Variants in THADA observed in about 807,000 individuals in gnomAD.
THADA encodes tRNA (32-2'-O)-methyltransferase regulator THADA.
Under a neutral mutation model 219.8 loss-of-function variants are expected in THADA, and 213 were observed. The ratio of observed to expected loss-of-function variants is 0.97; its 90% confidence interval spans 0.87 to 1.09. The LOEUF (loss-of-function observed/expected upper bound fraction) is 1.09, where lower values mean the gene tolerates loss of function less well. Among genes scored for constraint, THADA ranks in the 50% least tolerant of loss-of-function variants. THADA has a pLI of 0.00. For missense variants in THADA, 2,956 were observed against 2,311.3 expected (o/e 1.28, Z -5.72); for synonymous variants, 1,018 against 828.9 (o/e 1.23, Z -3.92).
intron 29 of THADA, among the ~76,000 whole-genome samples, chr2:43,352,081 G>A (rs1668338389): frequency 2.0e-5 from 3 of 152,136 alleles, no homozygotes; most frequent in Admixed American, 1.3e-4. Context: ...TTAGAACACA[G>A]ATACATTTCT....
intron 36 of THADA, among the ~76,000 whole-genome samples, chr2:43,271,812 AC>A (rs1342786520): frequency 1.3e-5 from 2 of 151,838 alleles, no homozygotes; most frequent in East Asian, 1.9e-4. Context: ...AAGGGGTTTC[AC>A]CATGTTGGCC....
intron 31 of THADA, among the ~76,000 whole-genome samples, chr2:43,300,754 A>G (rs1232211255): frequency 6.6e-6 from 1 of 152,238 alleles, no homozygotes; most frequent in East Asian, 1.9e-4. Flanking sequence ...GAAATTATCA[A>G]GTGACATTCA....
chr2:43,300,032 G>GC (rs1491168022), intron 31 of THADA, among the ~76,000 whole-genome samples: 5 of 84,512 alleles, frequency 5.9e-5, no homozygotes, highest in Admixed American at 5.1e-4. Context: ...CTGTCTCAAG[G>GC]CAAAAAAAAA....
chr2:43,488,047 T>C (rs541792078), intron 25 of THADA, among the ~76,000 whole-genome samples: 1 of 152,308 alleles, frequency 6.6e-6, no homozygotes, highest in East Asian at 1.9e-4. Context: ...TCATCTGCTA[T>C]TTGGTTACCC....
At chr2:43,593,072 C>A (rs1287216122) in intron 1 of THADA, among the ~76,000 whole-genome samples, 4 of 152,146 alleles carry the variant, frequency 2.6e-5, no homozygotes, top group Non-Finnish European at 5.9e-5. Flanking sequence ...TAGGGCTCTT[C>A]TCTTGATGCA....
intron 30 of THADA, among the ~76,000 whole-genome samples, chr2:43,338,260 G>C (rs112995840): frequency 6.6e-6 from 1 of 150,954 alleles, no homozygotes; most frequent in African/African-American, 2.4e-5. Context: ...AGGTTCAAGC[G>C]ATTCTCCTGC....
chr2:43,586,560 C>G (rs1369633438), intron 6 of THADA, 111 bp from the exon 7 acceptor site: 2 of 1,329,108 alleles, frequency 1.5e-6, no homozygotes, highest in African/African-American at 3.0e-5. Flanking sequence ...GATATGGAAA[C>G]AAAAATTTAA....
At chr2:43,547,501 AC>A (rs2103855611) in intron 20 of THADA, among the ~76,000 whole-genome samples, 1 of 152,316 alleles carries the variant, frequency 6.6e-6, no homozygotes, top group Non-Finnish European at 1.5e-5. Context: ...TTTCAGGTAC[AC>A]CAATCAGACA....
intron 30 of THADA, among the ~76,000 whole-genome samples, chr2:43,326,392 A>T (rs991495120): frequency 4.6e-5 from 7 of 152,226 alleles, no homozygotes; most frequent in African/African-American, 1.7e-4. Context: ...ACTTGGGGAC[A>T]TGACATGTTT....
At chr2:43,324,120 G>T (rs1423808884) in intron 30 of THADA, among the ~76,000 whole-genome samples, 1 of 152,216 alleles carries the variant, frequency 6.6e-6, no homozygotes, top group Non-Finnish European at 1.5e-5. Context: ...ACCATAAAGA[G>T]AAGTTGTTGA....
At position 43,508,714 on chromosome 2, in the gene THADA, T is replaced by C. The variant is rs1258610696; in HGVS notation, c.3441A>G (p.Lys1147=). The part of the protein sequence containing the change: ...QWLWSVLEEI[K]CSDPSSKLCA... Reference sequence around the variant, plus strand: ...AGAGTTTAGATGAAGGATCACTGCATTTAATTTCCTCTAAAACACTCCATA... The same window carrying C: ...AGAGTTTAGATGAAGGATCACTGCACTTAATTTCCTCTAAAACACTCCATA... The change falls in exon 23 of 38, where the codon AAA becomes AAG. Residue 1147 remains lysine (K), a synonymous_variant. Coordinates refer to ENST00000405975, the MANE Select transcript of THADA (RefSeq NM_022065.5). The C allele has an allele frequency of 6.2e-7, 1 of 1,613,824 alleles. No homozygotes were observed. Among genetic ancestry groups the C allele is most frequent in the Non-Finnish European group, 8.5e-7 (1 of 1,179,756 alleles).
At chr2:43,470,042 C>T (rs1487752802) in intron 26 of THADA, among the ~76,000 whole-genome samples, 1 of 151,880 alleles carries the variant, frequency 6.6e-6, no homozygotes, top group Admixed American at 6.6e-5. Context: ...AAAACCCCAT[C>T]TCTAAAAATA....
chr2:43,445,675 TG>T (rs1268763842), intron 26 of THADA, among the ~76,000 whole-genome samples: 5 of 152,224 alleles, frequency 3.3e-5, no homozygotes, highest in African/African-American at 4.8e-5. Flanking sequence ...GGACTTTTTT[TG>T]TTTTTTGTTT....
At chr2:43,515,526 A>ATG (rs1400719699) in intron 22 of THADA, among the ~76,000 whole-genome samples, 1 of 147,378 alleles carries the variant, frequency 6.8e-6, no homozygotes, top group Non-Finnish European at 1.5e-5. Context: ...ACCATAAAGT[A>ATG]TGTGTGTGTA....
chr2:43,455,204 C>CT (rs1682834617), intron 26 of THADA, among the ~76,000 whole-genome samples: 1 of 152,108 alleles, frequency 6.6e-6, no homozygotes, highest in African/African-American at 2.4e-5. Flanking sequence ...ACTGTCTTCC[C>CT]TAGTATGTAC....
chr2:43,391,207 AT>A (rs1201245507), intron 29 of THADA, among the ~76,000 whole-genome samples: 4 of 151,904 alleles, frequency 2.6e-5, no homozygotes, highest in Admixed American at 2.6e-4. Context: ...AAAAATATAT[AT>A]TTTTCCTCTT....
chr2:43,349,306 C>A (rs532697843), intron 29 of THADA, among the ~76,000 whole-genome samples: 2 of 152,154 alleles, frequency 1.3e-5, no homozygotes, highest in South Asian at 4.2e-4. Flanking sequence ...CTGTCCCTCA[C>A]CCCTCCACTC....
At chr2:43,491,687 G>C (rs1053924000) in intron 25 of THADA, among the ~76,000 whole-genome samples, 2 of 152,150 alleles carry the variant, frequency 1.3e-5, no homozygotes, top group Non-Finnish European at 2.9e-5. Flanking sequence ...TACAACCTAG[G>C]TGTGGAGTAG....
chr2:43,400,542 G>T (rs1674714064), intron 28 of THADA, among the ~76,000 whole-genome samples: 1 of 149,152 alleles, frequency 6.7e-6, no homozygotes, highest in Non-Finnish European at 1.5e-5. Context: ...GGCAGGGAGG[G>T]GGTCTGATGA....
Sources: gnomAD v4.1 joint callset for allele counts (sites outside exome capture counted in the v4.1 genomes callset) on GRCh38, gnomAD v4.1.1 for gene constraint, MANE v1.5 for transcripts, NCBI Gene and HGNC (gene_info 2026-07-23, HGNC 2026-07-21) for gene names.